The following COL6A6 variants were observed in gnomAD, a reference collection of about 807,000 sequenced individuals.
COL6A6 encodes collagen alpha-6(VI) chain.
A neutral mutation model predicts 208.6 loss-of-function variants in COL6A6; 183 were observed. The ratio of observed to expected loss-of-function variants is 0.88; its 90% CI spans 0.78 to 0.99. The LOEUF (loss-of-function observed/expected upper bound fraction) is 0.99. COL6A6 is among the 50% of genes least tolerant of loss of function. The probability of loss-of-function intolerance (pLI) is 0.00; values close to 1 mark genes in which losing one functional copy is unlikely to be tolerated. For missense variants in COL6A6, 2,816 were observed against 2,815.2 expected (o/e 1.00, Z -0.01); for synonymous variants, 973 against 1,011.8 (o/e 0.96, Z 0.73).
intron 1 of COL6A6, among the ~76,000 whole-genome samples, chr3:130,555,928 T>A (rs527934476): frequency 6.6e-6 from 1 of 152,338 alleles, no homozygotes; most frequent in African/African-American, 2.4e-5. Context: ...AGTTTTTTTT[T>A]AAGTGGATAT....
chr3:130,658,386 C>T (rs1204127054), intron 33 of COL6A6, among the ~76,000 whole-genome samples: 1 of 152,302 alleles, frequency 6.6e-6, no homozygotes, highest in African/African-American at 2.4e-5. Context: ...TCTGTGCAAG[C>T]GCTTTACAAA....
At chr3:130,569,241 G>A (rs2063103349) in intron 6 of COL6A6, among the ~76,000 whole-genome samples, 1 of 152,200 alleles carries the variant, frequency 6.6e-6, no homozygotes, top group African/African-American at 2.4e-5. Context: ...ATGAGGTGAT[G>A]TTTGCGAAAA....
At chr3:130,531,226 T>C (rs2062087455) in intron 1 of COL6A6, among the ~76,000 whole-genome samples, 1 of 152,092 alleles carries the variant, frequency 6.6e-6, no homozygotes, top group Admixed American at 6.5e-5. Flanking sequence ...GGCTGCACAA[T>C]TCTTTATTTT....
chr3:130,627,367 A>C lies in COL6A6; in HGVS notation c.4990A>C (p.Lys1664Gln). 2 of 1,613,622 alleles carry C rather than the reference A, an allele frequency of 1.2e-6. No homozygotes were observed. Among genetic ancestry groups the C allele is most frequent in the Non-Finnish European group, 1.7e-6 (2 of 1,179,570 alleles). ...TGGTAGTGTCGGACGCAAGGGAGCA[A>C]AGGTAAGTCAAGTCTGCTGGAAGCT... is the stretch of plus-strand genomic sequence containing the variant. ...GYGSVGRKGA[K>Q]GQEGFPGESG... Residue 1664 changes from lysine to glutamine, a missense_variant and splice_region_variant, in exon 26 of 37, where the codon AAG becomes CAG. Coordinates refer to ENST00000358511, the MANE Select transcript of COL6A6 (RefSeq NM_001102608.3).
At chr3:130,658,366 C>T (rs2065850547) in intron 33 of COL6A6, among the ~76,000 whole-genome samples, 1 of 152,220 alleles carries the variant, frequency 6.6e-6, no homozygotes, top group Admixed American at 6.5e-5. Flanking sequence ...TAACCACCCA[C>T]ACTGTACTGT....
chr3:130,576,264 G>A (rs2063293109), intron 8 of COL6A6, among the ~76,000 whole-genome samples: 1 of 152,100 alleles, frequency 6.6e-6, no homozygotes, highest in African/African-American at 2.4e-5. Flanking sequence ...GCTTGAAAAG[G>A]AAGTCACCCA....
At chr3:130,650,628 AG>A (rs1206020133) in intron 33 of COL6A6, among the ~76,000 whole-genome samples, 3 of 152,066 alleles carry the variant, frequency 2.0e-5, no homozygotes, top group African/African-American at 7.2e-5. Context: ...AAAAGAAAAA[AG>A]AAAAAGGCCA....
chr3:130,560,216 A>C, intron 1 of COL6A6, 118 bp from the exon 2 acceptor site: 1 of 571,296 alleles, frequency 1.8e-6, no homozygotes, highest in Non-Finnish European at 3.0e-6. Flanking sequence ...AGTGAACCTC[A>C]GAAATTCCTT....
chr3:130,622,912 G>A (rs2108277733), intron 24 of COL6A6, among the ~76,000 whole-genome samples: 1 of 151,876 alleles, frequency 6.6e-6, no homozygotes, highest in African/African-American at 2.4e-5. Flanking sequence ...ATTTTGGCAA[G>A]CAGAGAAGGG....
At position 130,657,406 on chromosome 3, in the gene COL6A6, C is replaced by T. The variant is rs951227613; in HGVS notation, c.5734-1270C>T. 2.6e-5 allele frequency among the ~76,000 whole-genome samples: 4 copies of T among 152,192 alleles called. No homozygotes were observed. The East Asian group carries it at 7.7e-4, about 29-fold the overall frequency. ...AGGAGTTTCAGAGAGCTGTTCTTCA[C>T]AATGTGGCAGGCAGTGTTTATGGAT... On this transcript the variant is annotated intron_variant, in intron 33 of 36. Transcript: ENST00000358511.
At chr3:130,543,104 C>A (rs1490733198) in intron 1 of COL6A6, among the ~76,000 whole-genome samples, 1 of 152,002 alleles carries the variant, frequency 6.6e-6, no homozygotes, top group Non-Finnish European at 1.5e-5. Context: ...CAGGGTTTCA[C>A]CATGTTGGCC....
At chr3:130,594,195 C>A in intron 17 of COL6A6, 86 bp from the exon 18 acceptor site, 1 of 1,025,166 alleles carries the variant, frequency 9.8e-7, no homozygotes. Flanking sequence ...TTTAATTATT[C>A]ACACCAGGGA....
chr3:130,604,776 T>C (rs2108170263), intron 20 of COL6A6, among the ~76,000 whole-genome samples: 1 of 152,370 alleles, frequency 6.6e-6, no homozygotes, highest in African/African-American at 2.4e-5. Context: ...TGTTTGTTGA[T>C]GATGTTTGAA....
intron 12 of COL6A6, chr3:130,589,982 A>G: frequency 2.2e-6 from 1 of 447,750 alleles, no homozygotes; most frequent in Non-Finnish European, 4.5e-6. Context: ...AGCTTCATGT[A>G]AAGAGAGTGG....
chr3:130,654,652 CT>C (rs1055901705), intron 33 of COL6A6, among the ~76,000 whole-genome samples: 2 of 152,238 alleles, frequency 1.3e-5, no homozygotes, highest in Non-Finnish European at 2.9e-5. Flanking sequence ...GCAGCCTCTG[CT>C]TTTACCCTGT....
intron 21 of COL6A6, 53 bp from the exon 22 acceptor site, chr3:130,608,849 G>A: frequency 1.1e-5 from 14 of 1,263,496 alleles, no homozygotes; most frequent in African/African-American, 1.6e-5. Flanking sequence ...GCAGGTAAAG[G>A]AGACAAAATG....
Position 130,568,721 on chromosome 3 carries a change from T to A in COL6A6, c.2401+117T>A, listed in dbSNP as rs1212714524. 8.0e-6 allele frequency: 8 copies of A among 997,448 alleles called. No individual in the cohort carries two copies. In the East Asian group the frequency reaches 2.1e-4, roughly 26 times the overall value. 61.8% of individuals were successfully genotyped at this position (997,448 alleles called of 1,614,324 possible). On this transcript the variant is annotated intron_variant, in intron 6 of 36. Coordinates refer to ENST00000358511, the MANE Select transcript of COL6A6 (RefSeq NM_001102608.3). ...GTAAACTTTTGGTTTAATTGAAATG[T>A]TTCTCCTAGTGGCTTTGACCTGTTG...
At chr3:130,544,252 A>ATC (rs1266673340) in intron 1 of COL6A6, among the ~76,000 whole-genome samples, 1 of 152,232 alleles carries the variant, frequency 6.6e-6, no homozygotes, top group Non-Finnish European at 1.5e-5. Flanking sequence ...AGATCATAAG[A>ATC]TCATGCAGTT....
At chr3:130,631,429 T>C (rs2065004999) in intron 26 of COL6A6, among the ~76,000 whole-genome samples, 1 of 22,774 alleles carries the variant, frequency 4.4e-5, no homozygotes. Context: ...CCAAAAAGAG[T>C]CCAGGACCAG....
Sources: allele counts gnomAD v4.1 joint callset (sites outside exome capture counted in the v4.1 genomes callset), GRCh38; gene constraint gnomAD v4.1.1; transcripts MANE v1.5; gene names NCBI Gene and HGNC (gene_info 2026-07-23, HGNC 2026-07-21).